STK3: variants seen among roughly 807,000 people sequenced by gnomAD.
STK3 encodes the protein serine/threonine-protein kinase 3.
In STK3, 41 loss-of-function variants were observed where a neutral mutation model predicts 58.0. The observed-to-expected ratio is 0.71, with a 90% CI of 0.55 to 0.92. The LOEUF (loss-of-function observed/expected upper bound fraction) is 0.92, where lower values mean the gene tolerates loss of function less well. STK3 is among the 40% of genes least tolerant of loss of function. The probability of loss-of-function intolerance (pLI) is 0.00; values close to 1 mark genes in which losing one functional copy is unlikely to be tolerated. For synonymous variants in STK3, 170 were observed against 191.0 expected, an observed-to-expected ratio of 0.89 and a Z score of 0.91; for missense variants, 479 against 602.7, an observed-to-expected ratio of 0.79 and a Z score of 2.15.
chr8:98,378,555 T>G (rs1158413028), intron 2 of STK3, among the ~76,000 whole-genome samples: 1 of 152,248 alleles, frequency 6.6e-6, no homozygotes, highest in Non-Finnish European at 1.5e-5. Context: ...GTATTTGGAT[T>G]GTGAGTATAT....
chr8:98,849,581 G>T (rs1836358987), intron 3 of STK3, among the ~76,000 whole-genome samples: 1 of 152,180 alleles, frequency 6.6e-6, no homozygotes, highest in Non-Finnish European at 1.5e-5. Flanking sequence ...GATATAGATG[G>T]ATGCAAGGGT....
chr8:98,936,921 G>T (rs1840219334), intron 1 of STK3, among the ~76,000 whole-genome samples: 2 of 152,202 alleles, frequency 1.3e-5, no homozygotes, highest in East Asian at 1.9e-4. Context: ...GAGGGGTTTG[G>T]TGACTGAAAA....
At chr8:98,605,377 G>C (rs1221834568) in intron 6 of STK3, among the ~76,000 whole-genome samples, 2 of 151,968 alleles carry the variant, frequency 1.3e-5, no homozygotes, top group African/African-American at 2.4e-5. Flanking sequence ...TTCTGTTTCA[G>C]GGAGACCTCA....
At chr8:98,655,852 A>T (rs1821451175) in intron 6 of STK3, among the ~76,000 whole-genome samples, 1 of 152,178 alleles carries the variant, frequency 6.6e-6, no homozygotes, top group African/African-American at 2.4e-5. Context: ...GCTGGAGAGG[A>T]TGTGGAGAAA....
intron 10 of STK3, among the ~76,000 whole-genome samples, chr8:98,480,135 C>T (rs1039435319): frequency 2.0e-5 from 3 of 152,086 alleles, no homozygotes; most frequent in Admixed American, 6.5e-5. Flanking sequence ...GAAAAAACAT[C>T]AGCATAAATT....
chr8:98,409,834 G>A (rs1429989045), intron 3 of STK3, among the ~76,000 whole-genome samples: 4 of 152,174 alleles, frequency 2.6e-5, no homozygotes, highest in African/African-American at 9.7e-5. Context: ...GATGCCTTCT[G>A]GCCAGGCTGG....
At chr8:98,695,400 T>C (rs958355297) in intron 6 of STK3, among the ~76,000 whole-genome samples, 7 of 152,288 alleles carry the variant, frequency 4.6e-5, no homozygotes, top group African/African-American at 1.4e-4. Context: ...CTTTTGGTGT[T>C]TTAGACATGA....
At position 98,428,220 on chromosome 8, in the gene STK3, G is replaced by T. The variant is rs753185856; in HGVS notation, n.483+5907C>A. Reference sequence around the variant, plus strand: ...CCGCAACCCTGAGCTCTTCCCCTACGTGCTGCATTTCTATCACACCGGCAA... The same window carrying T: ...CCGCAACCCTGAGCTCTTCCCCTACTTGCTGCATTTCTATCACACCGGCAA... On this transcript the variant is annotated intron_variant and non_coding_transcript_variant, in intron 3 of 3. Coordinates refer to the STK3 transcript ENST00000517832. The surrounding 1 kb of genome is among the most constrained non-coding windows in gnomAD (Gnocchi z 6.7). 1 of 1,614,066 alleles carries T rather than the reference G, an allele frequency of 6.2e-7. No individual in the cohort carries two copies. The highest frequency in any genetic ancestry group is 8.5e-7 in the Non-Finnish European group (1 of 1,180,016).
chr8:98,455,812 G>T lies in STK3; in HGVS notation c.*30C>A. The T allele has an allele frequency of 6.2e-7, 1 of 1,611,282 alleles. No homozygotes were observed. Among genetic ancestry groups the T allele is most frequent in the Non-Finnish European group, 8.5e-7 (1 of 1,178,696 alleles). On this transcript the variant is annotated 3_prime_UTR_variant, in exon 11 of 11. Coordinates refer to ENST00000419617, the MANE Select transcript of STK3 (RefSeq NM_006281.4). The stretch of plus-strand genomic sequence containing the variant: ...ATTCCTAGTGGTTTCTTGGTCTCCA[G>T]AATAGTTAAAAACAGAGAGGAAATT...
intron 6 of STK3, among the ~76,000 whole-genome samples, chr8:98,675,935 A>G (rs756381405): frequency 6.6e-6 from 1 of 152,194 alleles, no homozygotes; most frequent in Non-Finnish European, 1.5e-5. Context: ...GATTCACAAG[A>G]GCCAAAAGGT....
At chr8:98,355,602 C>A in the STK3 span, among the ~76,000 whole-genome samples, 1 of 152,214 alleles carries the variant, frequency 6.6e-6, no homozygotes, top group Non-Finnish European at 1.5e-5. Flanking sequence ...CCCAAGAGGG[C>A]ATCTGCTATA....
chr8:98,749,533 T>C (rs982794478), intron 3 of STK3, 143 bp from the exon 4 acceptor site: 2 of 453,872 alleles, frequency 4.4e-6, no homozygotes, highest in African/African-American at 2.0e-5. Flanking sequence ...AAATTCTCAA[T>C]ATCTGGAGTT....
intron 6 of STK3, among the ~76,000 whole-genome samples, chr8:98,695,619 CTTGT>C (rs1824837854): frequency 1.3e-5 from 2 of 152,182 alleles, no homozygotes; most frequent in Admixed American, 6.5e-5. Flanking sequence ...TTCCCCATTG[CTTGT>C]TTTTCTCAGG....
intron 1 of STK3, among the ~76,000 whole-genome samples, chr8:98,890,572 T>A (rs1838158935): frequency 1.3e-5 from 2 of 152,152 alleles, no homozygotes; most frequent in South Asian, 4.1e-4. Context: ...TAAGAAAAAT[T>A]GTCTAGGCTT....
At chr8:98,601,836 A>G (rs1444552206) in intron 6 of STK3, among the ~76,000 whole-genome samples, 1 of 152,228 alleles carries the variant, frequency 6.6e-6, no homozygotes, top group East Asian at 1.9e-4. Flanking sequence ...TAGGGCAGGG[A>G]AATTACGAGG....
intron 1 of STK3, among the ~76,000 whole-genome samples, chr8:98,805,323 T>G (rs986745591): frequency 6.6e-6 from 1 of 152,172 alleles, no homozygotes; most frequent in African/African-American, 2.4e-5. Context: ...CTCACGCCTG[T>G]AATCCCAGCA....
intron 1 of STK3, among the ~76,000 whole-genome samples, chr8:98,386,694 A>T (rs1426733378): frequency 6.6e-6 from 1 of 152,188 alleles, no homozygotes; most frequent in African/African-American, 2.4e-5. Flanking sequence ...AACTATGTAA[A>T]TGCCAGCGGG....
chr8:98,697,555 G>A (rs1268513514), intron 6 of STK3, among the ~76,000 whole-genome samples: 2 of 152,114 alleles, frequency 1.3e-5, no homozygotes, highest in East Asian at 3.8e-4. Flanking sequence ...CTTGTATATT[G>A]TGTCTTTGCT....
At chr8:98,402,919 A>AC (rs1451745488) in intron 3 of STK3, among the ~76,000 whole-genome samples, 1 of 152,082 alleles carries the variant, frequency 6.6e-6, no homozygotes, top group Non-Finnish European at 1.5e-5. Context: ...GAGAGAGGAG[A>AC]CCCCACAATG....
Sources: allele counts gnomAD v4.1 joint callset (sites outside exome capture counted in the v4.1 genomes callset), GRCh38; gene constraint gnomAD v4.1.1; non-coding constraint Gnocchi (gnomAD v3.1); transcripts MANE v1.5; gene names NCBI Gene and HGNC (gene_info 2026-07-23, HGNC 2026-07-21).